PRDM6: variants seen among roughly 807,000 people sequenced by gnomAD.
PRDM6 encodes PR/SET domain 6, also known as putative histone-lysine N-methyltransferase PRDM6.
PRDM6 carries 25 observed loss-of-function variants against 60.8 expected under a neutral mutation model. The observed-to-expected ratio is 0.41, with a 90% CI of 0.30 to 0.57. The LOEUF (loss-of-function observed/expected upper bound fraction) is 0.57, where lower values mean the gene tolerates loss of function less well. Ranked by LOEUF, PRDM6 falls within the 20% of genes least tolerant of loss-of-function variation. The probability of loss-of-function intolerance (pLI) is 0.27; values close to 1 mark genes in which losing one functional copy is unlikely to be tolerated. For missense variants in PRDM6, 839 were observed against 821.3 expected, an observed-to-expected ratio of 1.02 and a Z score of -0.26; for synonymous variants, 407 against 357.4, an observed-to-expected ratio of 1.14 and a Z score of -1.57.
In PRDM6 at chr5:123,108,829, A is replaced by C. The variant is rs182156353; in HGVS notation, c.900+8868A>C. Among the ~76,000 whole-genome samples, 862 of 152,242 alleles carry C rather than the reference A, an allele frequency of 5.7e-3. 2 individuals carry two copies. The highest frequency in any genetic ancestry group is 7.5e-3 in the Non-Finnish European group (509 of 67,972). On this transcript the variant is annotated intron_variant, in intron 3 of 7. Transcript: ENST00000407847. ...TATAATATATAGATTTATTTCATTG[A>C]GTCACAGTTTTGGTAAAAGATATTT...
intron 3 of PRDM6, among the ~76,000 whole-genome samples, chr5:123,124,753 C>G (rs975819659): frequency 6.6e-6 from 1 of 152,076 alleles, no homozygotes; most frequent in African/African-American, 2.4e-5. Context: ...GAAAGTTGGA[C>G]GGCTCTGTCA....
intron 3 of PRDM6, among the ~76,000 whole-genome samples, chr5:123,121,853 G>GTT (rs111771327): frequency 2.1e-4 from 29 of 136,312 alleles, no homozygotes; most frequent in South Asian, 4.7e-4. Context: ...GAGTTTTTTA[G>GTT]TTTTTTTTTT....
chr5:123,182,283 C>T (rs1458358048), intron 7 of PRDM6, among the ~76,000 whole-genome samples: 1 of 152,180 alleles, frequency 6.6e-6, no homozygotes, highest in Non-Finnish European at 1.5e-5. Flanking sequence ...CTTCACTGCT[C>T]TGGAGGAGGG....
At chr5:123,151,473 G>T (rs186613446) in intron 3 of PRDM6, among the ~76,000 whole-genome samples, 139 of 152,244 alleles carry the variant, frequency 9.1e-4, no homozygotes, top group African/African-American at 3.1e-3. Flanking sequence ...ACTCCCAGAT[G>T]GGGAGGCAGA....
Position 123,099,733 on chromosome 5 carries a change from C to A in PRDM6, c.672C>A (p.Gly224=). 1 of 1,540,936 alleles carries A rather than the reference C, an allele frequency of 6.5e-7. No individual in the cohort carries two copies. The highest frequency in any genetic ancestry group is 8.7e-7 in the Non-Finnish European group (1 of 1,143,132). Residue 224 remains glycine, a synonymous_variant, in exon 3 of 8, where the codon GGC becomes GGA. Transcript: ENST00000407847. This position sits in a 1 kb window ranked among gnomAD's most constrained non-coding sequence, Gnocchi z 4.0. ...TGCACTCGCTGCGCCGGCTTGTGGG[C>A]ACCAGCAGCGCTGCGGCCGCCGCGC... ...GPLHSLRRLV[G]TSSAAAAAPP... is the part of the protein sequence containing the mutation.
chr5:123,123,941 A>C (rs1272916460), intron 3 of PRDM6, among the ~76,000 whole-genome samples: 1 of 151,904 alleles, frequency 6.6e-6, no homozygotes, highest in Admixed American at 6.6e-5. Context: ...GTATTTGAAT[A>C]TTCTGAAAAA....
At position 123,159,608 on chromosome 5, in the gene PRDM6, C is replaced by T; in HGVS notation, c.1123C>T (p.Pro375Ser). Residue 375 changes from proline to serine, a missense_variant, in exon 5 of 8, where the codon CCC becomes TCC. Coordinates refer to ENST00000407847, the MANE Select transcript of PRDM6 (RefSeq NM_001136239.4). Reference protein sequence around the residue: ...NDSYTSFFGIPLQCIAQDENL... With the variant: ...NDSYTSFFGISLQCIAQDENL... The stretch of plus-strand genomic sequence containing the variant: ...CAGCTATACGTCTTTCTTTGGGATC[C>T]CCTTACAATGCATTGCCCAGGATGA... 1 of 1,551,508 alleles carries T rather than the reference C, an allele frequency of 6.4e-7. No homozygotes were observed. The highest frequency in any genetic ancestry group is 1.2e-5 in the South Asian group (1 of 84,036).
At chr5:123,112,783 C>CTTTTTTT (rs537426568) in intron 3 of PRDM6, among the ~76,000 whole-genome samples, 13 of 47,512 alleles carry the variant, frequency 2.7e-4, no homozygotes, top group African/African-American at 8.8e-4. Flanking sequence ...TCTAATGGCT[C>CTTTTTTT]TTTTTTTTTT....
chr5:123,184,476 C>T (rs1471874659), intron 7 of PRDM6, among the ~76,000 whole-genome samples: 1 of 152,156 alleles, frequency 6.6e-6, no homozygotes, highest in Non-Finnish European at 1.5e-5. Flanking sequence ...GAAGGCACAA[C>T]GAAGCCCCTG....
chr5:123,102,106 CA>C (rs1389593212), intron 3 of PRDM6, among the ~76,000 whole-genome samples: 4 of 151,950 alleles, frequency 2.6e-5, no homozygotes, highest in African/African-American at 9.7e-5. Flanking sequence ...TTATCTGTAA[CA>C]ACAGTTAGAA....
chr5:123,124,035 G>C lies in PRDM6; in HGVS notation c.900+24074G>C, dbSNP rs544018011. On this transcript the variant is annotated intron_variant, in intron 3 of 7. Transcript: ENST00000407847. The stretch of plus-strand genomic sequence containing the variant: ...CATGAGCAAGGGCAGGGAAGACAGG[G>C]TTCCTGCCAAACTTTGACCTGGTCC... Among the ~76,000 whole-genome samples, 9 of 152,244 alleles carry C rather than the reference G, an allele frequency of 5.9e-5. 1 individual carries two copies. The South Asian group carries it at 1.9e-3, about 32-fold the overall frequency.
Position 123,155,997 on chromosome 5 carries a change from A to C in PRDM6, c.1014A>C (p.Thr338=). 6.4e-7 allele frequency: 1 copy of C among 1,551,618 alleles called. No homozygotes were observed. Among genetic ancestry groups the C allele is most frequent in the Non-Finnish European group, 8.7e-7 (1 of 1,146,848 alleles). ...CARHCGEQNL[T]VVQYRSNIFY... ...GGCACTGCGGAGAACAGAATCTAAC[A>C]GTAGTTCAGTACAGGTAAAGTATAT... Residue 338 remains threonine, a synonymous_variant, in exon 4 of 8, where the codon ACA becomes ACC. Coordinates refer to ENST00000407847, the MANE Select transcript of PRDM6 (RefSeq NM_001136239.4).
intron 3 of PRDM6, among the ~76,000 whole-genome samples, chr5:123,115,156 A>T (rs1320835513): frequency 2.0e-5 from 3 of 152,142 alleles, no homozygotes. Flanking sequence ...TAGCAGGTGT[A>T]GTTGTGGATG....
intron 3 of PRDM6, among the ~76,000 whole-genome samples, chr5:123,150,956 A>C (rs983037406): frequency 2.0e-5 from 3 of 152,218 alleles, no homozygotes; most frequent in Non-Finnish European, 2.9e-5. Flanking sequence ...CCTAGTTGTT[A>C]ATACTTAGAA....
At chr5:123,133,548 T>C (rs1170065733) in intron 3 of PRDM6, among the ~76,000 whole-genome samples, 2 of 152,158 alleles carry the variant, frequency 1.3e-5, no homozygotes, top group Non-Finnish European at 2.9e-5. Flanking sequence ...TCACTTAGCA[T>C]GAACCTTTTG....
intron 7 of PRDM6, among the ~76,000 whole-genome samples, chr5:123,185,314 TA>T (rs903889353): frequency 1.6e-3 from 243 of 151,808 alleles, no homozygotes; most frequent in Non-Finnish European, 2.5e-3. Context: ...AGCTTCAAGA[TA>T]AAAAAAAGGA....
chr5:123,128,921 A>T (rs902193200), intron 3 of PRDM6, among the ~76,000 whole-genome samples: 3 of 152,204 alleles, frequency 2.0e-5, no homozygotes, highest in African/African-American at 7.2e-5. Context: ...TCTTTAATCC[A>T]TCTTGAATTA....
chr5:123,134,336 T>C (rs1764903230), intron 3 of PRDM6, among the ~76,000 whole-genome samples: 1 of 152,148 alleles, frequency 6.6e-6, no homozygotes, highest in Non-Finnish European at 1.5e-5. Context: ...AAAGGTCTGT[T>C]AAGTTTTTCA....
intron 5 of PRDM6, among the ~76,000 whole-genome samples, chr5:123,160,155 G>C (rs1299782763): frequency 1.3e-5 from 2 of 152,216 alleles, no homozygotes; most frequent in African/African-American, 2.4e-5. Context: ...TGGTAGATAT[G>C]TGACTGAGGA....
Sources: gnomAD v4.1 joint callset for allele counts (sites outside exome capture counted in the v4.1 genomes callset) on GRCh38, gnomAD v4.1.1 for gene constraint, Gnocchi (gnomAD v3.1) non-coding constraint, MANE v1.5 for transcripts, NCBI Gene and HGNC (gene_info 2026-07-23, HGNC 2026-07-21) for gene names.